Variants in OR4Q3 observed in about 807,000 individuals in gnomAD.
OR4Q3 encodes olfactory receptor family 4 subfamily Q member 3.
In OR4Q3, 17 loss-of-function variants were observed where a neutral mutation model predicts 18.8. That is an observed-to-expected ratio of 0.91 (90% CI 0.62 to 1.36). The LOEUF (loss-of-function observed/expected upper bound fraction) is 1.36, where lower values mean the gene tolerates loss of function less well. OR4Q3 is among the 40% of genes most tolerant of loss of function. OR4Q3 has a pLI of 0.00. For missense variants in OR4Q3, 378 were observed against 373.4 expected (o/e 1.01, Z -0.10); for synonymous variants, 158 against 145.8 (o/e 1.08, Z -0.60).
At chr14:19,751,188 C>T, downstream of OR4Q3, among the ~76,000 whole-genome samples, 1 of 152,212 alleles carries the variant, frequency 6.6e-6, no homozygotes, top group Non-Finnish European at 1.5e-5. Flanking sequence ...TTTATATTCC[C>T]TTTTGCATTT....
At chr14:19,748,018 G>A in exon 2 of OR4Q3, 1 of 1,613,942 alleles carries the variant, frequency 6.2e-7, no homozygotes, top group African/African-American at 1.3e-5. Context: ...ATGTGGTAGA[G>A]GTGCTGGTGA....
chr14:19,750,281 G>A, downstream of OR4Q3, among the ~76,000 whole-genome samples: 7 of 152,070 alleles, frequency 4.6e-5, no homozygotes, highest in African/African-American at 9.7e-5. Flanking sequence ...CACGACACCC[G>A]GCCAGATTAC....
chr14:19,745,506 T>G, intron 1 of OR4Q3, among the ~76,000 whole-genome samples: 19,064 of 149,074 alleles, frequency 0.13, 564 homozygotes, highest in South Asian at 0.23. Flanking sequence ...AATTATAACA[T>G]TGTGTAGGAT....
At chr14:19,751,082 C>A, downstream of OR4Q3, among the ~76,000 whole-genome samples, 3 of 152,334 alleles carry the variant, frequency 2.0e-5, no homozygotes, top group African/African-American at 2.4e-5. Context: ...TTCTGATGTT[C>A]TCTTTCATAG....
chr14:19,752,303 A>G, downstream of OR4Q3, among the ~76,000 whole-genome samples: 1 of 152,248 alleles, frequency 6.6e-6, no homozygotes, highest in Non-Finnish European at 1.5e-5. Flanking sequence ...AAATGTAAAT[A>G]GAACTTAAAT....
At chr14:19,748,136 G>C in exon 2 of OR4Q3, 1 of 1,614,044 alleles carries the variant, frequency 6.2e-7, no homozygotes, top group Non-Finnish European at 8.5e-7. Flanking sequence ...CCAGAACAAG[G>C]TCTTCTCTAC....
At chr14:19,745,632 A>G in intron 1 of OR4Q3, among the ~76,000 whole-genome samples, 1 of 151,994 alleles carries the variant, frequency 6.6e-6, no homozygotes, top group Non-Finnish European at 1.5e-5. Context: ...AAATTAGATC[A>G]ATAATTTTAA....
At chr14:19,745,940 G>A in intron 1 of OR4Q3, among the ~76,000 whole-genome samples, 1 of 152,260 alleles carries the variant, frequency 6.6e-6, no homozygotes, top group South Asian at 2.1e-4. Flanking sequence ...GAAGAGGATG[G>A]TCACAATCAT....
At chr14:19,748,661 A>C in exon 2 of OR4Q3, 2 of 357,736 alleles carry the variant, frequency 5.6e-6, no homozygotes, top group South Asian at 6.4e-5. Flanking sequence ...TATGTCTCTA[A>C]GTACTGTTCA....
chr14:19,750,028 A>C, downstream of OR4Q3, among the ~76,000 whole-genome samples: 25 of 144,318 alleles, frequency 1.7e-4, no homozygotes, highest in Non-Finnish European at 1.6e-4. Flanking sequence ...CTTGTCTCCC[A>C]GGCTGGAGTG....
intron 1 of OR4Q3, among the ~76,000 whole-genome samples, chr14:19,745,453 T>C: frequency 6.6e-6 from 1 of 152,308 alleles, no homozygotes; most frequent in South Asian, 2.1e-4. Context: ...TGCCTTCACA[T>C]TAGGAAATAA....
chr14:19,751,723 G>T, downstream of OR4Q3, among the ~76,000 whole-genome samples: 9 of 151,966 alleles, frequency 5.9e-5, no homozygotes, highest in East Asian at 1.2e-3. Flanking sequence ...ATTTCTGTGG[G>T]ATCAGTTGTA....
chr14:19,745,372 A>G, intron 1 of OR4Q3, among the ~76,000 whole-genome samples: 4 of 152,180 alleles, frequency 2.6e-5, no homozygotes, highest in Admixed American at 6.5e-5. Context: ...TGTCTGTTTT[A>G]GTATAATCTT....
chr14:19,747,729 A>T, exon 2 of OR4Q3: 2 of 1,613,960 alleles, frequency 1.2e-6, no homozygotes. Flanking sequence ...TGCCTGGCCC[A>T]GATCTACTTC....
At chr14:19,747,338 A>G in intron 1 of OR4Q3, 68 bp from the exon 2 acceptor site, 21 of 791,596 alleles carry the variant, frequency 2.7e-5, no homozygotes, top group Middle Eastern at 3.2e-4. Flanking sequence ...ATTATATACT[A>G]TATGTATATA....
intron 1 of OR4Q3, among the ~76,000 whole-genome samples, chr14:19,747,125 A>G: frequency 6.6e-6 from 1 of 152,218 alleles, no homozygotes; most frequent in Non-Finnish European, 1.5e-5. Context: ...TCTGTCTATT[A>G]AAAGAAATGG....
exon 2 of OR4Q3, chr14:19,748,461 G>A: frequency 3.5e-5 from 33 of 937,750 alleles, no homozygotes; most frequent in South Asian, 9.8e-5. Context: ...CTTTGATGAC[G>A]TTGGTATAAA....
At chr14:19,746,806 T>C in intron 1 of OR4Q3, among the ~76,000 whole-genome samples, 12 of 152,238 alleles carry the variant, frequency 7.9e-5, no homozygotes, top group Admixed American at 2.0e-4. Flanking sequence ...TTACAAAACA[T>C]TCTTCCTTCG....
downstream of OR4Q3, among the ~76,000 whole-genome samples, chr14:19,749,902 CT>C: frequency 1.4e-4 from 2 of 14,316 alleles, no homozygotes; most frequent in Admixed American, 1.7e-3. Context: ...TTCTTTCTTT[CT>C]TTCTTTTTTC....
Sources: gnomAD v4.1 joint callset for allele counts (sites outside exome capture counted in the v4.1 genomes callset) on GRCh38, gnomAD v4.1.1 for gene constraint, MANE v1.5 for transcripts, NCBI Gene and HGNC (gene_info 2026-07-23, HGNC 2026-07-21) for gene names.